AHNAK2: variants seen among roughly 807,000 people sequenced by gnomAD.
AHNAK2 encodes AHNAK nucleoprotein 2.
AHNAK2 carries 18 observed loss-of-function variants against 30.7 expected under a neutral mutation model. That is an observed-to-expected ratio of 0.59 (90% CI 0.41 to 0.87). The LOEUF (loss-of-function observed/expected upper bound fraction) is 0.87. AHNAK2 is among the 40% of genes least tolerant of loss of function. The pLI is 0.00. For synonymous variants in AHNAK2, 3,590 were observed against 3,073.8 expected, an observed-to-expected ratio of 1.17 and a Z score of -5.56; for missense variants, 8,604 against 7,373.0, an observed-to-expected ratio of 1.17 and a Z score of -6.11.
chr14:104,961,404 C>G (rs1481384853), intron 1 of AHNAK2, among the ~76,000 whole-genome samples: 1 of 151,414 alleles, frequency 6.6e-6, no homozygotes, highest in Non-Finnish European at 1.5e-5. Context: ...GTCCCAGCTA[C>G]TCGGGAGGCT....
In AHNAK2 at chr14:104,940,354, C is replaced by T. The variant is rs752833885; in HGVS notation, c.15097G>A (p.Ala5033Thr). 6.2e-7 allele frequency: 1 copy of T among 1,613,850 alleles called. No individual in the cohort carries two copies. Among genetic ancestry groups the T allele is most frequent in the Non-Finnish European group, 8.5e-7 (1 of 1,179,888 alleles). Residue 5033 changes from alanine (A) to threonine (T), a missense_variant, in exon 7 of 7, where the codon GCT (alanine) becomes ACT (threonine). Coordinates refer to ENST00000333244, the MANE Select transcript of AHNAK2 (RefSeq NM_138420.4). The surrounding 1 kb of genome is among the most constrained non-coding windows in gnomAD (Gnocchi z 4.4). Reference sequence around the variant, plus strand: ...GGCAGGCTGACCCCACTCTTAGAAGCCTTCATTTTGGGAAGTGCAAGTTTT... The same window carrying T: ...GGCAGGCTGACCCCACTCTTAGAAGTCTTCATTTTGGGAAGTGCAAGTTTT... ...MPKLALPKMK[A>T]SKSGVSLPQR...
Position 104,953,505 on chromosome 14 carries a change from T to C in AHNAK2, c.1946A>G (p.Gln649Arg). The change falls in exon 7 of 7, where the codon CAA becomes CGA. Residue 649 changes from glutamine (Q) to arginine (R), a missense_variant. By Grantham distance (43) the Gln-to-Arg change is conservative (BLOSUM62 1). Coordinates refer to ENST00000333244, the MANE Select transcript of AHNAK2 (RefSeq NM_138420.4). The part of the protein sequence containing the change: ...SDSMTNTTKI[Q>R]LIHDEKRLKK... ...TAAGCGTTTTTCATCGTGTATTAGT[T>C]GTATTTTTGTTGTGTTTGTCATTGA... The C allele has an allele frequency of 1.2e-6, 2 of 1,613,974 alleles. No individual in the cohort carries two copies. Among genetic ancestry groups the C allele is most frequent in the Non-Finnish European group, 1.7e-6 (2 of 1,179,862 alleles).
rs764851483 is a variant in AHNAK2 at position 104,951,490 on chromosome 14, C to T, written c.3961G>A (p.Val1321Met). The T allele has an allele frequency of 5.8e-5, 72 of 1,244,982 alleles. 8 individuals carry two copies. In the East Asian group the frequency reaches 9.5e-4, roughly 16 times the overall value. 77.1% of individuals were successfully genotyped at this position (1,244,982 alleles called of 1,614,324 possible). ...DGDLSLADKD[V>M]TAKDSKFKMP... ...TTGAACTTGCTGTCTTTGGCAGTCA[C>T]GTCCTTGTCAGCCAGGGACAGGTCC... Residue 1321 changes from valine (V) to methionine (M), a missense_variant, in exon 7 of 7, where the codon GTG (valine) becomes ATG (methionine). By Grantham distance (21) the Val-to-Met change is conservative. Transcript: ENST00000333244.
rs780679415 is a variant in AHNAK2, at chr14:104,938,545, T to C, written c.16906A>G (p.Lys5636Glu). Residue 5636 changes from lysine (K) to glutamate (E), a missense_variant, in exon 7 of 7, where the codon AAA becomes GAA. Coordinates refer to ENST00000333244, the MANE Select transcript of AHNAK2 (RefSeq NM_138420.4). The part of the protein sequence containing the change: ...LADEGRAPKD[K>E]PESKKSGLLW... The stretch of plus-strand genomic sequence containing the variant: ...AGACCAGATTTTTTACTTTCTGGTT[T>C]GTCTTTTGGAGCCCTGCCTTCATCT... 1 of 1,613,414 alleles carries C rather than the reference T, an allele frequency of 6.2e-7. No individual in the cohort carries two copies. The highest frequency in any genetic ancestry group is 2.2e-5 in the East Asian group (1 of 44,882).
Position 104,951,584 on chromosome 14 carries a change from C to A in AHNAK2, c.3867G>T (p.Val1289=). ...TGTCCACCTCCACACTGGGCAGAGA[C>A]ACAGCCACTTCGTGGGCCGTCACCT... The part of the protein sequence containing the change: ...KAEVTAHEVA[V]SLPSVEVDMQ... Residue 1289 remains valine, a synonymous_variant, in exon 7 of 7, where the codon GTG becomes GTT. Coordinates refer to ENST00000333244, the MANE Select transcript of AHNAK2 (RefSeq NM_138420.4). 8 of 1,247,836 alleles carry A rather than the reference C, an allele frequency of 6.4e-6. 3 individuals carry two copies. Among genetic ancestry groups the A allele is most frequent in the Non-Finnish European group, 9.1e-6 (8 of 881,064 alleles). The allele number at this position is 1,247,836 out of a possible 1,614,324, so 77.3% of individuals were successfully genotyped here. A position where few individuals can be genotyped will look rare whatever the true frequency, so the allele number is the denominator to read the frequency against.
At chr14:104,959,700 G>C (rs902022259) in intron 1 of AHNAK2, among the ~76,000 whole-genome samples, 4 of 152,152 alleles carry the variant, frequency 2.6e-5, no homozygotes, top group African/African-American at 9.7e-5. Flanking sequence ...CAAAGACTTG[G>C]AAATGTCATT....
Position 104,949,304 on chromosome 14 carries a change from A to C in AHNAK2, c.6147T>G (p.Thr2049=), listed in dbSNP as rs548544001. ...CCGGGAGCTTCACATCCACCTGGCC[A>C]GTCTGGACCTTCAGGTCGGCAGAAG... The part of the protein sequence containing the change: ...QPPSADLKVQ[T]GQVDVKLPEG... The change falls in exon 7 of 7, where the codon ACT becomes ACG. Residue 2049 remains threonine (T), a synonymous_variant. Transcript: ENST00000333244. The C allele has an allele frequency of 9.4e-7, 1 of 1,066,322 alleles. No individual in the cohort carries two copies. The highest frequency in any genetic ancestry group is 2.3e-5 in the East Asian group (1 of 44,070). 66.1% of individuals were successfully genotyped at this position (1,066,322 alleles called of 1,614,324 possible).
chr14:104,959,064 C>A (rs1281242892), intron 1 of AHNAK2, among the ~76,000 whole-genome samples: 1 of 152,186 alleles, frequency 6.6e-6, no homozygotes, highest in African/African-American at 2.4e-5. Flanking sequence ...TCTGGGCATG[C>A]TGGCTTATGC....
intron 1 of AHNAK2, among the ~76,000 whole-genome samples, chr14:104,964,884 T>C (rs546272179): frequency 6.6e-6 from 1 of 152,364 alleles, no homozygotes; most frequent in African/African-American, 2.4e-5. Context: ...AACACAATTA[T>C]AAACTTTACA....
At chr14:104,967,918 G>A (rs1047251154) in intron 1 of AHNAK2, among the ~76,000 whole-genome samples, 3 of 152,208 alleles carry the variant, frequency 2.0e-5, no homozygotes, top group South Asian at 2.1e-4. Context: ...GCCCCGCCTC[G>A]GCCGCAGAGC....
Position 104,942,647 on chromosome 14 carries a change from G to C in AHNAK2, c.12804C>G (p.Val4268=). Residue 4268 remains valine (V), a synonymous_variant, in exon 7 of 7, where the codon GTC becomes GTG. Coordinates refer to ENST00000333244, the MANE Select transcript of AHNAK2 (RefSeq NM_138420.4). ...EVSLPSMEVD[V]EAPGAKLDSV... is the part of the protein sequence containing the mutation. ...TGTCCAGCTTGGCTCCCGGGGCCTC[G>C]ACGTCCACCTCCATGCTGGGCAGAG... 1 of 1,613,406 alleles carries C rather than the reference G, an allele frequency of 6.2e-7. No individual in the cohort carries two copies. The highest frequency in any genetic ancestry group is 8.5e-7 in the Non-Finnish European group (1 of 1,179,684).
rs371952129 is a variant in AHNAK2, at chr14:104,943,976, C to G, written c.11475G>C (p.Ser3825=). 20 of 1,611,226 alleles carry G rather than the reference C, an allele frequency of 1.2e-5. No individual in the cohort carries two copies. Among genetic ancestry groups the G allele is most frequent in the Non-Finnish European group, 1.7e-5 (20 of 1,178,918 alleles). ...VSAPGKSIEA[S]VHVSAPKVEA... is the part of the protein sequence containing the mutation. ...CCACCTTGGGTGCAGACACGTGCAC[C>G]GAGGCCTCAATGGACTTGCCTGGGG... Residue 3825 remains serine, a synonymous_variant, in exon 7 of 7, where the codon TCG becomes TCC. Transcript: ENST00000333244.
Position 104,954,079 on chromosome 14 carries a change from G to T in AHNAK2, c.1372C>A (p.Leu458Met). ...REGEGEGLQS[L>M]EIGIARLSLR... ...GACAGTCTGGCGATCCCGATTTCCAGGCTCTGCAGTCCCTCGCCTTCACCC... is the reference window on the plus strand; with the variant it reads ...GACAGTCTGGCGATCCCGATTTCCATGCTCTGCAGTCCCTCGCCTTCACCC... The change falls in exon 7 of 7, where the codon CTG becomes ATG. Residue 458 changes from leucine (L) to methionine (M), a missense_variant. Leu to Met is a conservative substitution (Grantham distance 15, BLOSUM62 2). Coordinates refer to ENST00000333244, the MANE Select transcript of AHNAK2 (RefSeq NM_138420.4). The surrounding 1 kb of genome is among the most constrained non-coding windows in gnomAD (Gnocchi z 4.3). The T allele has an allele frequency of 6.2e-7, 1 of 1,613,262 alleles. No individual in the cohort carries two copies. Among genetic ancestry groups the T allele is most frequent in the Non-Finnish European group, 8.5e-7 (1 of 1,179,818 alleles).
At position 104,948,489 on chromosome 14, in the gene AHNAK2, G is replaced by C. The variant is rs375824419; in HGVS notation, c.6962C>G (p.Pro2321Arg). ...CCCAAACGACAGCATCTTGAACTTG[G>C]GCATTTTGAACTTGCTGTCTTTGGC... ...VTAKDSKFKMPKFKMLSFGVS... is the reference protein window; with the variant it reads ...VTAKDSKFKMRKFKMLSFGVS... Residue 2321 changes from proline to arginine, a missense_variant, in exon 7 of 7, where the codon CCC becomes CGC. By Grantham distance (103) the Pro-to-Arg change is moderately radical (BLOSUM62 -2). Coordinates refer to ENST00000333244, the MANE Select transcript of AHNAK2 (RefSeq NM_138420.4). 3.2e-5 allele frequency: 52 copies of C among 1,610,468 alleles called. No homozygotes were observed. The highest frequency in any genetic ancestry group is 4.2e-5 in the Non-Finnish European group (50 of 1,178,584).
chr14:104,941,893 G>A lies in AHNAK2; in HGVS notation c.13558C>T (p.Leu4520=), dbSNP rs1465998827. The A allele has an allele frequency of 6.2e-7, 1 of 1,613,650 alleles. No individual in the cohort carries two copies. The change falls in exon 7 of 7, where the codon CTG becomes TTG. Residue 4520 remains leucine, a synonymous_variant. Transcript: ENST00000333244. The part of the protein sequence containing the change: ...DLRIQAPSAD[L]EVQAGQVDLK... ...TCCACCTGGCCAGCCTGGACCTCCA[G>A]GTCGGCGGAAGGGGCCTGAATGCGG...
At chr14:104,962,196 C>G (rs1359123704) in intron 1 of AHNAK2, among the ~76,000 whole-genome samples, 1 of 152,172 alleles carries the variant, frequency 6.6e-6, no homozygotes, top group Non-Finnish European at 1.5e-5. Context: ...ACACTCCTGA[C>G]AGCAGCCGGT....
At chr14:104,968,393 T>C (rs550742409) in intron 1 of AHNAK2, among the ~76,000 whole-genome samples, 1 of 152,020 alleles carries the variant, frequency 6.6e-6, no homozygotes, top group Non-Finnish European at 1.5e-5. Flanking sequence ...GAGCAGATCC[T>C]GGCCGGGAGG....
intron 1 of AHNAK2, among the ~76,000 whole-genome samples, chr14:104,976,807 G>C (rs1899604924): frequency 6.8e-6 from 1 of 147,506 alleles, no homozygotes; most frequent in African/African-American, 2.4e-5. Flanking sequence ...AGGCTGTGCA[G>C]GGAAGCTGGG....
intron 1 of AHNAK2, among the ~76,000 whole-genome samples, chr14:104,961,264 C>T (rs1489873024): frequency 3.3e-5 from 5 of 152,178 alleles, no homozygotes; most frequent in African/African-American, 1.2e-4. Flanking sequence ...CCTGTAATCC[C>T]AGCACTTTGG....
Sources: allele counts gnomAD v4.1 joint callset (sites outside exome capture counted in the v4.1 genomes callset), GRCh38; gene constraint gnomAD v4.1.1; non-coding constraint Gnocchi (gnomAD v3.1); transcripts MANE v1.5; gene names NCBI Gene and HGNC (gene_info 2026-07-23, HGNC 2026-07-21).